Variants in LRFN5 observed in about 807,000 individuals in gnomAD.
The protein encoded by LRFN5 is leucine-rich repeat and fibronectin type-III domain-containing protein 5.
LRFN5 carries 24 observed loss-of-function variants against 45.6 expected under a neutral mutation model. The observed-to-expected ratio is 0.53, with a 90% CI of 0.38 to 0.74. The LOEUF is 0.74. Among genes scored for constraint, LRFN5 ranks in the 30% least tolerant of loss-of-function variants. The pLI is 0.00. For synonymous variants in LRFN5, 340 were observed against 313.8 expected (o/e 1.08, Z -0.88); for missense variants, 776 against 861.5 (o/e 0.90, Z 1.24).
At chr14:41,858,545 T>C (rs964947855) in intron 2 of LRFN5, among the ~76,000 whole-genome samples, 2 of 152,150 alleles carry the variant, frequency 1.3e-5, no homozygotes, top group Non-Finnish European at 2.9e-5. Flanking sequence ...TTTGGGACTT[T>C]TCCTCAGCCT....
intron 2 of LRFN5, among the ~76,000 whole-genome samples, chr14:41,788,471 A>G (rs771561207): frequency 7.2e-5 from 11 of 152,076 alleles, no homozygotes; most frequent in Non-Finnish European, 4.4e-5. Context: ...GTTGAATGCA[A>G]TTGGGAAGAA....
intron 2 of LRFN5, among the ~76,000 whole-genome samples, chr14:41,856,527 C>A (rs1889458888): frequency 6.6e-6 from 1 of 151,636 alleles, no homozygotes; most frequent in Non-Finnish European, 1.5e-5. Flanking sequence ...TGTGTTCACC[C>A]CCTTGAATGT....
intron 2 of LRFN5, among the ~76,000 whole-genome samples, chr14:41,872,890 A>G (rs1252465623): frequency 6.6e-6 from 1 of 152,240 alleles, no homozygotes; most frequent in Non-Finnish European, 1.5e-5. Context: ...ATGTGTGCAC[A>G]CAGATATGCG....
rs1471318879 is a variant in LRFN5, at chr14:41,607,132, CTATG to C, written c.-1621_-1618del. 6.6e-6 allele frequency among the ~76,000 whole-genome samples: 1 copy of C among 152,136 alleles called. No homozygotes were observed. The highest frequency in any genetic ancestry group is 1.5e-5 in the Non-Finnish European group (1 of 68,002). On this transcript the variant is annotated 5_prime_UTR_variant, in exon 1 of 6. An upstream start codon of the reference 5' UTR is lost. Coordinates refer to ENST00000298119, the MANE Select transcript of LRFN5 (RefSeq NM_152447.5). ...TGTGCAGAGCTGCCCGAACGGAGGACTATGTATGTGTGTGCGCGTGTTTGCGTGT... is the reference window on the plus strand; with the variant it reads ...TGTGCAGAGCTGCCCGAACGGAGGACTATGTGTGTGCGCGTGTTTGCGTGT...
At chr14:41,762,225 A>T (rs1885703345) in intron 1 of LRFN5, among the ~76,000 whole-genome samples, 1 of 151,796 alleles carries the variant, frequency 6.6e-6, no homozygotes, top group Non-Finnish European at 1.5e-5. Flanking sequence ...TGTTAACAAG[A>T]TATTACAAAT....
intron 1 of LRFN5, among the ~76,000 whole-genome samples, chr14:41,667,356 G>T (rs925868314): frequency 2.6e-5 from 4 of 152,242 alleles, no homozygotes; most frequent in East Asian, 3.9e-4. Flanking sequence ...CAGCAAGGAG[G>T]ATTTCTGATA....
chr14:41,691,147 C>T (rs1882362901), intron 1 of LRFN5, among the ~76,000 whole-genome samples: 2 of 152,002 alleles, frequency 1.3e-5, no homozygotes, highest in South Asian at 2.1e-4. Context: ...GCACTTTCTT[C>T]TGCCTCATTT....
intron 1 of LRFN5, among the ~76,000 whole-genome samples, chr14:41,734,305 C>T (rs1884312901): frequency 3.2e-5 from 1 of 31,492 alleles, no homozygotes; most frequent in Non-Finnish European, 9.0e-5. Flanking sequence ...GCCACCTTTC[C>T]TGGACTGGTT....
chr14:41,895,094 C>T (rs1034318036), intron 4 of LRFN5: 4 of 975,968 alleles, frequency 4.1e-6, no homozygotes, highest in South Asian at 4.7e-5. Context: ...CATGTATTAA[C>T]GATGTTTACT....
intron 2 of LRFN5, among the ~76,000 whole-genome samples, chr14:41,807,173 T>A (rs1191704068): frequency 6.6e-6 from 1 of 152,224 alleles, no homozygotes; most frequent in Non-Finnish European, 1.5e-5. Flanking sequence ...CTGGTATTTT[T>A]AGGTATAATC....
At chr14:41,712,101 A>G (rs1055531351) in intron 1 of LRFN5, among the ~76,000 whole-genome samples, 2 of 152,172 alleles carry the variant, frequency 1.3e-5, no homozygotes, top group African/African-American at 4.8e-5. Flanking sequence ...AGTGGAGGTA[A>G]TATCGGGGAA....
chr14:41,692,214 T>G (rs1250963590), intron 1 of LRFN5, among the ~76,000 whole-genome samples: 2 of 152,114 alleles, frequency 1.3e-5, no homozygotes, highest in Non-Finnish European at 2.9e-5. Flanking sequence ...TGTTATTTGC[T>G]CCACATCATT....
At chr14:41,670,527 T>C (rs1881155182) in intron 1 of LRFN5, among the ~76,000 whole-genome samples, 1 of 151,440 alleles carries the variant, frequency 6.6e-6, no homozygotes, top group South Asian at 2.1e-4. Context: ...AAATTCAAAA[T>C]AAAAATTATA....
intron 2 of LRFN5, among the ~76,000 whole-genome samples, chr14:41,813,316 A>C (rs1887801934): frequency 1.3e-5 from 2 of 152,070 alleles, no homozygotes; most frequent in Admixed American, 1.3e-4. Context: ...CATCTACATT[A>C]GGTATTTCTC....
intron 1 of LRFN5, among the ~76,000 whole-genome samples, chr14:41,648,653 C>T (rs1307857138): frequency 1.3e-5 from 2 of 152,044 alleles, no homozygotes; most frequent in Non-Finnish European, 2.9e-5. Context: ...ATTAACAAAT[C>T]TCTTGCATGG....
chr14:41,858,351 T>A (rs762640560), intron 2 of LRFN5, among the ~76,000 whole-genome samples: 2 of 152,128 alleles, frequency 1.3e-5, no homozygotes, highest in Non-Finnish European at 2.9e-5. Flanking sequence ...TAAAAAGGCC[T>A]TTAGACACGC....
At chr14:41,750,622 A>G (rs1295783338) in intron 1 of LRFN5, among the ~76,000 whole-genome samples, 2 of 152,120 alleles carry the variant, frequency 1.3e-5, no homozygotes, top group African/African-American at 2.4e-5. Context: ...TGGCTAATGC[A>G]TGTGTATTAG....
chr14:41,790,128 A>T (rs1886866864), intron 2 of LRFN5, among the ~76,000 whole-genome samples: 1 of 151,932 alleles, frequency 6.6e-6, no homozygotes, highest in Non-Finnish European at 1.5e-5. Flanking sequence ...TGATTAAAGG[A>T]CTATTCAGGT....
intron 1 of LRFN5, among the ~76,000 whole-genome samples, chr14:41,676,863 G>A (rs541974306): frequency 1.3e-5 from 2 of 152,314 alleles, no homozygotes; most frequent in East Asian, 1.9e-4. Context: ...GTGGAAGACT[G>A]TGCATTCTCA....
Sources: allele counts gnomAD v4.1 joint callset (sites outside exome capture counted in the v4.1 genomes callset), GRCh38; gene constraint gnomAD v4.1.1; transcripts MANE v1.5; gene names NCBI Gene and HGNC (gene_info 2026-07-23, HGNC 2026-07-21).